The following TACC1 variants were observed in gnomAD, a reference collection of about 807,000 sequenced individuals.
TACC1 encodes the protein transforming acidic coiled-coil-containing protein 1.
A neutral mutation model predicts 84.4 loss-of-function variants in TACC1; 48 were observed. The ratio of observed to expected loss-of-function variants is 0.57; its 90% CI spans 0.45 to 0.72. The LOEUF (loss-of-function observed/expected upper bound fraction) is 0.72. TACC1 is among the 30% of genes least tolerant of loss of function. The pLI, the probability that TACC1 is intolerant of heterozygous loss-of-function variation, is 0.00. For synonymous variants in TACC1, 372 were observed against 376.3 expected (o/e 0.99, Z 0.13); for missense variants, 920 against 973.0 (o/e 0.95, Z 0.72).
intron 1 of TACC1, among the ~76,000 whole-genome samples, chr8:38,729,639 C>T (rs746534414): frequency 2.0e-5 from 3 of 152,086 alleles, no homozygotes; most frequent in Non-Finnish European, 4.4e-5. Flanking sequence ...AAGGCCGAGG[C>T]GGGCAGATCA....
chr8:38,769,448 G>GAT (rs1813027201), intron 3 of TACC1, among the ~76,000 whole-genome samples: 1 of 147,426 alleles, frequency 6.8e-6, no homozygotes, highest in African/African-American at 2.5e-5. Context: ...TGGTGTGTAT[G>GAT]TGACTGTGTG....
At chr8:38,846,646 G>T (rs1832358829) in intron 11 of TACC1, 53 bp from the exon 12 acceptor site, 2 of 1,605,902 alleles carry the variant, frequency 1.2e-6, no homozygotes. Flanking sequence ...GCTTTGACTA[G>T]TGGCTAATCA....
chr8:38,728,823 A>C (rs1804341303), intron 1 of TACC1: 1 of 152,298 alleles, frequency 6.6e-6, no homozygotes, highest in Non-Finnish European at 1.5e-5. Flanking sequence ...GAATAAGTTC[A>C]GGCATTCCTT....
chr8:38,779,554 T>C (rs370093523), intron 3 of TACC1, among the ~76,000 whole-genome samples: 1 of 152,252 alleles, frequency 6.6e-6, no homozygotes, highest in African/African-American at 2.4e-5. Context: ...AAGGGCTTTT[T>C]TGGCCAGTAC....
At chr8:38,820,892 C>T (rs1016922744) in intron 3 of TACC1, among the ~76,000 whole-genome samples, 1 of 151,902 alleles carries the variant, frequency 6.6e-6, no homozygotes, top group Non-Finnish European at 1.5e-5. Flanking sequence ...TTTCCCTTGA[C>T]CCTAGAGACT....
chr8:38,835,286 A>G (rs1327114088), intron 6 of TACC1, among the ~76,000 whole-genome samples: 3 of 151,916 alleles, frequency 2.0e-5, no homozygotes, highest in Non-Finnish European at 4.4e-5. Context: ...TTCCGTAGGT[A>G]GGAGGAATAG....
chr8:38,799,112 TCCCTC>T (rs2152063077), intron 2 of TACC1, among the ~76,000 whole-genome samples: 1 of 152,292 alleles, frequency 6.6e-6, no homozygotes, highest in South Asian at 2.1e-4. Flanking sequence ...CACGCTTGTT[TCCCTC>T]CTGAAGCCCT....
chr8:38,801,481 CCT>C (rs1821345594), intron 2 of TACC1, among the ~76,000 whole-genome samples: 2 of 152,160 alleles, frequency 1.3e-5, no homozygotes, highest in Admixed American at 6.5e-5. Flanking sequence ...TATTCTTTTC[CCT>C]ATACAATTAA....
chr8:38,818,392 G>C (rs1385898744), intron 2 of TACC1, among the ~76,000 whole-genome samples: 1 of 152,094 alleles, frequency 6.6e-6, no homozygotes, highest in South Asian at 2.1e-4. Context: ...TGCTACTCTT[G>C]TTTCAGATAT....
chr8:38,777,958 T>C (rs10103542), intron 3 of TACC1, among the ~76,000 whole-genome samples: 66,218 of 152,000 alleles, frequency 0.44, 14,836 homozygotes, highest in African/African-American at 0.52. Context: ...GTTCTTTTGC[T>C]AGAAGAAATA....
At chr8:38,823,574 C>T (rs937102674) in intron 3 of TACC1, among the ~76,000 whole-genome samples, 5 of 152,170 alleles carry the variant, frequency 3.3e-5, no homozygotes, top group African/African-American at 1.2e-4. Context: ...CGAGTCCTGC[C>T]ACCCTCACCC....
chr8:38,757,233 C>CCCCCCCCACAA, intron 3 of TACC1: 1 of 516,058 alleles, frequency 1.9e-6, no homozygotes, highest in Non-Finnish European at 2.8e-6. Flanking sequence ...TCCCTCGCCC[C>CCCCCCCCACAA]ACCCTTCCTC....
intron 3 of TACC1, chr8:38,757,245 C>T: frequency 6.4e-6 from 6 of 941,034 alleles, no homozygotes; most frequent in Non-Finnish European, 8.0e-6. Context: ...CCCTTCCTCC[C>T]GCCCCACCGC....
chr8:38,733,833 C>G (rs1805444232), intron 1 of TACC1, among the ~76,000 whole-genome samples: 1 of 152,158 alleles, frequency 6.6e-6, no homozygotes, highest in African/African-American at 2.4e-5. Context: ...ACTGGCCAAG[C>G]ATGGGCGTGT....
At chr8:38,816,092 C>T (rs777762665) in intron 2 of TACC1, among the ~76,000 whole-genome samples, 36 of 152,120 alleles carry the variant, frequency 2.4e-4, no homozygotes, top group African/African-American at 7.0e-4. Flanking sequence ...TACCTGAGAG[C>T]GTGCCTTAAT....
At chr8:38,827,122 T>C in intron 4 of TACC1, 46 bp from the exon 5 acceptor site, 1 of 1,560,984 alleles carries the variant, frequency 6.4e-7, no homozygotes, top group Non-Finnish European at 8.8e-7. Context: ...TTTTCCCCAT[T>C]GCTTGCCCTC....
At chr8:38,748,641 G>A (rs923955350) in intron 3 of TACC1, among the ~76,000 whole-genome samples, 2 of 151,990 alleles carry the variant, frequency 1.3e-5, no homozygotes, top group African/African-American at 2.4e-5. Flanking sequence ...AAAACAATAA[G>A]ATAACTAGGA....
chr8:38,749,466 C>A (rs904481236), intron 3 of TACC1, among the ~76,000 whole-genome samples: 5 of 152,174 alleles, frequency 3.3e-5, no homozygotes, highest in Non-Finnish European at 7.3e-5. Context: ...AAACTACAGT[C>A]CAATATCCCT....
chr8:38,850,076 C>A lies in TACC1; in HGVS notation c.*2053C>A, dbSNP rs1256763577. 1.3e-5 allele frequency: 2 copies of A among 152,586 alleles called. No homozygotes were observed. The highest frequency in any genetic ancestry group is 6.5e-5 in the Admixed American group (1 of 15,278). The allele number at this position is 152,586 out of a possible 1,614,324, so 9.5% of individuals were successfully genotyped here. ...CCCTCCATTGTAAATCCATAGTCAT[C>A]TTTTTAAGCTTATTGTGTTTAAGAA... is the stretch of plus-strand genomic sequence containing the variant. On this transcript the variant is annotated 3_prime_UTR_variant, in exon 13 of 13. Coordinates refer to ENST00000317827, the MANE Select transcript of TACC1 (RefSeq NM_006283.3).
Sources: gnomAD v4.1 joint callset for allele counts (sites outside exome capture counted in the v4.1 genomes callset) on GRCh38, gnomAD v4.1.1 for gene constraint, MANE v1.5 for transcripts, NCBI Gene and HGNC (gene_info 2026-07-23, HGNC 2026-07-21) for gene names.